Variants in MBNL2 observed in about 807,000 individuals in gnomAD.
The protein encoded by MBNL2 is muscleblind-like protein 2.
In MBNL2, 17 loss-of-function variants were observed where a neutral mutation model predicts 41.9. The ratio of observed to expected loss-of-function variants is 0.41; its 90% CI spans 0.28 to 0.61. The LOEUF is 0.61. MBNL2 is among the 20% of genes least tolerant of loss of function. MBNL2 has a pLI of 0.35. For missense variants in MBNL2, 336 were observed against 505.6 expected (o/e 0.66, Z 3.22); for synonymous variants, 195 against 182.9 (o/e 1.07, Z -0.53).
intron 2 of MBNL2, among the ~76,000 whole-genome samples, chr13:97,325,973 G>GTT (rs35560622): frequency 7.9e-5 from 12 of 152,016 alleles, no homozygotes; most frequent in South Asian, 2.1e-4. Context: ...TGGCCTGAAG[G>GTT]TTTTTCCCAG....
the MBNL2 span, among the ~76,000 whole-genome samples, chr13:97,187,488 A>G: frequency 6.7e-6 from 1 of 149,870 alleles, no homozygotes; most frequent in Non-Finnish European, 1.5e-5. Flanking sequence ...GGCAGCAAAC[A>G]TTAGGAATGA....
At chr13:97,279,003 AC>A (rs2052778223) in intron 2 of MBNL2, among the ~76,000 whole-genome samples, 2 of 152,224 alleles carry the variant, frequency 1.3e-5, no homozygotes, top group Non-Finnish European at 2.9e-5. Context: ...TGAAGTAAGC[AC>A]GGTCTGTAGC....
intron 2 of MBNL2, among the ~76,000 whole-genome samples, chr13:97,277,270 A>C (rs933788814): frequency 6.6e-6 from 1 of 152,224 alleles, no homozygotes; most frequent in African/African-American, 2.4e-5. Flanking sequence ...CCCTAACATT[A>C]TGAATCTGAG....
At chr13:97,171,000 C>T in the MBNL2 span, among the ~76,000 whole-genome samples, 1 of 152,182 alleles carries the variant, frequency 6.6e-6, no homozygotes, top group African/African-American at 2.4e-5. Context: ...AATTTTCTCA[C>T]TGACATAATT....
At chr13:97,170,678 T>C in the MBNL2 span, among the ~76,000 whole-genome samples, 15,462 of 151,946 alleles carry the variant, frequency 0.1, 886 homozygotes, top group South Asian at 0.16. Flanking sequence ...GGTGGAGCCA[T>C]GGGTATCAGA....
the MBNL2 span, among the ~76,000 whole-genome samples, chr13:97,157,724 C>A: frequency 6.7e-6 from 1 of 148,188 alleles, no homozygotes; most frequent in African/African-American, 2.5e-5. Flanking sequence ...TTGAACCAGC[C>A]TTGCATCCCA....
At chr13:97,212,373 GGTAGAAGCCACAGCTACCCCCACA>G in the MBNL2 span, among the ~76,000 whole-genome samples, 6 of 152,120 alleles carry the variant, frequency 3.9e-5, no homozygotes, top group East Asian at 1.9e-4. Context: ...CTGGCCCCAC[GGTAGAAGCCACAGCTACCCCCACA>G]GTAGAAGCCA....
At chr13:97,263,586 G>A (rs118111300) in intron 1 of MBNL2, among the ~76,000 whole-genome samples, 14 of 152,276 alleles carry the variant, frequency 9.2e-5, no homozygotes, top group African/African-American at 2.2e-4. Flanking sequence ...TGCAATGGAC[G>A]TGACTCCCTT....
the MBNL2 span, among the ~76,000 whole-genome samples, chr13:97,205,404 T>TA: frequency 1.1e-4 from 16 of 151,094 alleles, no homozygotes; most frequent in East Asian, 3.9e-4. Flanking sequence ...AAATAAAAAA[T>TA]AAAAAAAAGA....
upstream of MBNL2, among the ~76,000 whole-genome samples, chr13:97,220,637 A>G (rs937476778): frequency 2.0e-5 from 3 of 152,156 alleles, no homozygotes; most frequent in Non-Finnish European, 2.9e-5. Context: ...TCTGGCAACA[A>G]GGGAGCTTGA....
chr13:97,319,801 G>A (rs1000086735), intron 2 of MBNL2, among the ~76,000 whole-genome samples: 4 of 152,128 alleles, frequency 2.6e-5, no homozygotes, highest in African/African-American at 4.8e-5. Context: ...CATTACTAAT[G>A]AGTTCTTTAG....
chr13:97,222,177 T>C (rs1407276822), upstream of MBNL2: 3 of 373,850 alleles, frequency 8.0e-6, no homozygotes, highest in Non-Finnish European at 1.4e-5. Flanking sequence ...ATGGATGCAC[T>C]GTTTTTACAC....
chr13:97,204,261 C>T, the MBNL2 span, among the ~76,000 whole-genome samples: 1 of 152,162 alleles, frequency 6.6e-6, no homozygotes, highest in African/African-American at 2.4e-5. Flanking sequence ...GTGAAAGACT[C>T]GCAGGTGAGG....
chr13:97,172,991 T>A, the MBNL2 span: 5 of 152,134 alleles, frequency 3.3e-5, no homozygotes, highest in African/African-American at 4.8e-5. Flanking sequence ...CTGGGTATCA[T>A]CAAAACTCAC....
intron 5 of MBNL2, among the ~76,000 whole-genome samples, 158 bp from the exon 6 acceptor site, chr13:97,356,638 C>T (rs1230513095): frequency 2.6e-5 from 4 of 152,088 alleles, no homozygotes; most frequent in East Asian, 3.8e-4. Context: ...GTGTTTTGTA[C>T]GTTGTATATT....
chr13:97,337,975 A>C (rs2061032906), intron 3 of MBNL2, among the ~76,000 whole-genome samples: 1 of 152,214 alleles, frequency 6.6e-6, no homozygotes, highest in Admixed American at 6.5e-5. Flanking sequence ...TTTTATCAAA[A>C]TATCATAAAA....
At chr13:97,291,918 GT>G (rs200741321) in intron 2 of MBNL2, among the ~76,000 whole-genome samples, 3 of 91,134 alleles carry the variant, frequency 3.3e-5, no homozygotes, top group East Asian at 3.2e-4. Context: ...AAAAAAAAAA[GT>G]GGGCTGGGTG....
intron 1 of MBNL2, among the ~76,000 whole-genome samples, chr13:97,258,210 G>GTT (rs199606551): frequency 4.1e-5 from 6 of 146,394 alleles, no homozygotes; most frequent in South Asian, 2.2e-4. Flanking sequence ...TGTTGCCAGG[G>GTT]TTTTTTTTTT....
chr13:97,292,430 A>G (rs928626206), intron 2 of MBNL2, among the ~76,000 whole-genome samples: 1 of 152,176 alleles, frequency 6.6e-6, no homozygotes, highest in African/African-American at 2.4e-5. Flanking sequence ...AGAAAATCCT[A>G]CTAAACATAT....
Sources: gnomAD v4.1 joint callset for allele counts (sites outside exome capture counted in the v4.1 genomes callset) on GRCh38, gnomAD v4.1.1 for gene constraint, MANE v1.5 for transcripts, NCBI Gene and HGNC (gene_info 2026-07-23, HGNC 2026-07-21) for gene names.